Variants in MYO1E observed in about 807,000 individuals in gnomAD.
MYO1E encodes myosin IE.
A neutral mutation model predicts 151.1 loss-of-function variants in MYO1E; 68 were observed. The ratio of observed to expected loss-of-function variants is 0.45; its 90% CI spans 0.37 to 0.55. The LOEUF (loss-of-function observed/expected upper bound fraction) is 0.55. Ranked by LOEUF, MYO1E falls within the 20% of genes least tolerant of loss-of-function variation. The pLI, the probability that MYO1E is intolerant of heterozygous loss-of-function variation, is 0.00. For synonymous variants in MYO1E, 601 were observed against 501.7 expected, an observed-to-expected ratio of 1.20 and a Z score of -2.64; for missense variants, 1,363 against 1,389.3, an observed-to-expected ratio of 0.98 and a Z score of 0.30.
intron 1 of MYO1E, among the ~76,000 whole-genome samples, chr15:59,347,343 C>T (rs1596435566): frequency 6.6e-6 from 1 of 152,334 alleles, no homozygotes; most frequent in Non-Finnish European, 1.5e-5. Context: ...CCCCACTCCA[C>T]ACCCCAGGCT....
intron 26 of MYO1E, among the ~76,000 whole-genome samples, chr15:59,149,158 G>A (rs1369075649): frequency 3.4e-5 from 5 of 147,836 alleles, no homozygotes; most frequent in African/African-American, 1.0e-4. Flanking sequence ...CTGGGTTCAC[G>A]CCATTCTCCC....
Position 59,161,234 on chromosome 15 carries a change from CA to C in MYO1E, c.2628-5del. The stretch of plus-strand genomic sequence containing the variant: ...CTTTTTCAACTTCAGTTCAAGCCTG[CA>C]AAAAGCACAGTGGGGTTAACAGGTC... On this transcript the variant is annotated splice_polypyrimidine_tract_variant and splice_region_variant and intron_variant, in intron 23 of 27. Transcript: ENST00000288235. The C allele has an allele frequency of 1.2e-6, 2 of 1,613,220 alleles. No homozygotes were observed. Among genetic ancestry groups the C allele is most frequent in the East Asian group, 2.2e-5 (1 of 44,852 alleles).
At chr15:59,138,496 G>C in intron 26 of MYO1E, 129 bp from the exon 27 acceptor site, 1 of 963,392 alleles carries the variant, frequency 1.0e-6, no homozygotes, top group East Asian at 2.5e-5. Flanking sequence ...TAGAAGACAT[G>C]TGGCCCAGGG....
chr15:59,244,072 T>A (rs1185007813), intron 4 of MYO1E, among the ~76,000 whole-genome samples: 1 of 152,218 alleles, frequency 6.6e-6, no homozygotes, highest in Non-Finnish European at 1.5e-5. Context: ...CAAACAGCCA[T>A]GCTGAAACCA....
At chr15:59,178,972 T>C (rs1181540002) in intron 18 of MYO1E, among the ~76,000 whole-genome samples, 1 of 152,264 alleles carries the variant, frequency 6.6e-6, no homozygotes, top group Non-Finnish European at 1.5e-5. Flanking sequence ...TTATGACAAC[T>C]GTGTATCAAC....
At chr15:59,245,736 T>C (rs2080125879) in intron 4 of MYO1E, among the ~76,000 whole-genome samples, 1 of 152,230 alleles carries the variant, frequency 6.6e-6, no homozygotes, top group Non-Finnish European at 1.5e-5. Context: ...TCACTTTTGA[T>C]GGCAGCAATA....
chr15:59,208,554 A>T, intron 14 of MYO1E, 127 bp downstream of exon 14: 1 of 1,184,570 alleles, frequency 8.4e-7, no homozygotes, highest in Non-Finnish European at 1.3e-6. Flanking sequence ...GCTTCCTTTG[A>T]TAGTTAATAA....
chr15:59,341,036 AAAAAAAAG>A (rs1186130349), intron 1 of MYO1E, among the ~76,000 whole-genome samples: 5 of 144,796 alleles, frequency 3.5e-5, no homozygotes, highest in South Asian at 4.3e-4. Flanking sequence ...AAAAAAAAAG[AAAAAAAAG>A]AAAAAAAGAA....
At chr15:59,242,812 G>T (rs1222871613) in intron 4 of MYO1E, among the ~76,000 whole-genome samples, 2 of 152,202 alleles carry the variant, frequency 1.3e-5, no homozygotes, top group African/African-American at 4.8e-5. Context: ...TGTTTCTATG[G>T]TAGTCCAGCC....
chr15:59,132,792 C>G lies in MYO1E; in HGVS notation c.*4588G>C, dbSNP rs1409147272. 2.0e-5 allele frequency: 3 copies of G among 152,150 alleles called. No individual in the cohort carries two copies. Among genetic ancestry groups the G allele is most frequent in the African/African-American group, 7.2e-5 (3 of 41,416 alleles). 9.4% of individuals were successfully genotyped at this position (152,150 alleles called of 1,614,324 possible). On this transcript the variant is annotated 3_prime_UTR_variant, in exon 28 of 28. Transcript: ENST00000288235. ...GGTGCTAAGTAAAGTATGCCAAGCA[C>G]TTAGTATAGCTTCTAGTGTGAAGAA...
chr15:59,290,900 A>C (rs1367614590), intron 1 of MYO1E, among the ~76,000 whole-genome samples: 1 of 152,238 alleles, frequency 6.6e-6, no homozygotes, highest in Non-Finnish European at 1.5e-5. Flanking sequence ...AAATTATCTC[A>C]AAGCAGTAAT....
At chr15:59,249,606 C>T (rs1481309566) in intron 4 of MYO1E, among the ~76,000 whole-genome samples, 1 of 152,014 alleles carries the variant, frequency 6.6e-6, no homozygotes, top group Non-Finnish European at 1.5e-5. Flanking sequence ...CAAAGTCACA[C>T]CAGGGAAACT....
At chr15:59,149,390 C>T (rs200298602) in intron 26 of MYO1E, among the ~76,000 whole-genome samples, 5,826 of 152,236 alleles carry the variant, frequency 0.038, 233 homozygotes, top group African/African-American at 0.099. Flanking sequence ...TGCCTAACCT[C>T]TTCCCTTTCC....
chr15:59,340,264 C>T (rs997272059), intron 1 of MYO1E, among the ~76,000 whole-genome samples: 11 of 152,034 alleles, frequency 7.2e-5, no homozygotes, highest in Non-Finnish European at 1.2e-4. Context: ...GAGCCATGAT[C>T]GTGCCACTGA....
intron 1 of MYO1E, among the ~76,000 whole-genome samples, chr15:59,307,991 C>A (rs1223379426): frequency 7.4e-5 from 11 of 148,570 alleles, no homozygotes; most frequent in African/African-American, 2.2e-4. Context: ...CCAAGGTGAG[C>A]GGATCACTTG....
chr15:59,309,660 C>T (rs1233297224), intron 1 of MYO1E, among the ~76,000 whole-genome samples: 6 of 152,190 alleles, frequency 3.9e-5, no homozygotes, highest in Non-Finnish European at 7.4e-5. Context: ...ATCTACACTC[C>T]GTTTAGAGAA....
At position 59,136,913 on chromosome 15, in the gene MYO1E, G is replaced by C. The variant is rs1222572677; in HGVS notation, c.*467C>G. On this transcript the variant is annotated 3_prime_UTR_variant, in exon 28 of 28. Transcript: ENST00000288235. The stretch of plus-strand genomic sequence containing the variant: ...CGCTAAGCCCAGTCTGCAGAGGGCG[G>C]GTCCTCCCTGAAGGAAGGTGGCAGA... 1 of 367,570 alleles carries C rather than the reference G, an allele frequency of 2.7e-6. No homozygotes were observed. Among genetic ancestry groups the C allele is most frequent in the Non-Finnish European group, 5.4e-6 (1 of 184,952 alleles). 22.8% of individuals were successfully genotyped at this position (367,570 alleles called of 1,614,324 possible).
chr15:59,356,739 G>A (rs536124716), intron 1 of MYO1E, among the ~76,000 whole-genome samples: 15 of 151,596 alleles, frequency 9.9e-5, no homozygotes, highest in African/African-American at 2.9e-4. Flanking sequence ...CACCACAACC[G>A]GCTATTTTCT....
In MYO1E at chr15:59,214,216, G is replaced by A. The variant is rs373603961; in HGVS notation, c.1275+12C>T. ...ATAAATAGAATAGGATGAAGGAAGAGGGACTGCTTACCTGTTCTGCCTTTA... is the reference window on the plus strand; with the variant it reads ...ATAAATAGAATAGGATGAAGGAAGAAGGACTGCTTACCTGTTCTGCCTTTA... On this transcript the variant is annotated intron_variant, in intron 12 of 27. Coordinates refer to ENST00000288235, the MANE Select transcript of MYO1E (RefSeq NM_004998.4). The A allele has an allele frequency of 1.3e-6, 2 of 1,593,162 alleles. No homozygotes were observed. Among genetic ancestry groups the A allele is most frequent in the South Asian group, 1.1e-5 (1 of 89,738 alleles).
Sources: gnomAD v4.1 joint callset for allele counts (sites outside exome capture counted in the v4.1 genomes callset) on GRCh38, gnomAD v4.1.1 for gene constraint, MANE v1.5 for transcripts, NCBI Gene and HGNC (gene_info 2026-07-23, HGNC 2026-07-21) for gene names.